The following LIPG variants were observed in gnomAD, a reference collection of about 807,000 sequenced individuals.
The protein encoded by LIPG is endothelial lipase.
In LIPG, 34 loss-of-function variants were observed where a neutral mutation model predicts 51.8. The ratio of observed to expected loss-of-function variants is 0.66; its 90% confidence interval spans 0.50 to 0.87. The LOEUF is 0.87. Among genes scored for constraint, LIPG ranks in the 40% least tolerant of loss-of-function variants. The pLI is 0.00. For missense variants in LIPG, 580 were observed against 652.7 expected (o/e 0.89, Z 1.21); for synonymous variants, 246 against 246.1 (o/e 1.00, Z 0.00).
intron 1 of LIPG, among the ~76,000 whole-genome samples, chr18:49,564,266 G>A (rs2084580188): frequency 6.6e-6 from 1 of 152,218 alleles, no homozygotes; most frequent in African/African-American, 2.4e-5. Flanking sequence ...TGATAGGAGA[G>A]TTTGATACTC....
rs1189321685 is a variant in LIPG at position 49,591,207 on chromosome 18, A to G, written c.*685A>G. 1 of 156,086 alleles carries G rather than the reference A, an allele frequency of 6.4e-6. No homozygotes were observed. The highest frequency in any genetic ancestry group is 1.9e-4 in the East Asian group (1 of 5,290). The allele number at this position is 156,086 out of a possible 1,614,324, so 9.7% of individuals were successfully genotyped here. A position where few individuals can be genotyped will look rare whatever the true frequency, so the allele number is the denominator to read the frequency against. ...ATATTACTGAGCCTCTCCATTTGGA[A>G]CCCAGTGGAGTTGGGATTTCTAGAC... is the stretch of plus-strand genomic sequence containing the variant. On this transcript the variant is annotated 3_prime_UTR_variant, in exon 10 of 10. Coordinates refer to ENST00000261292, the MANE Select transcript of LIPG (RefSeq NM_006033.4).
rs778560931 is a variant in LIPG, at chr18:49,567,570, T to C, written c.408T>C (p.Asn136=). ...LAHQLYTDAV[N]NTRVVGHSIA... Reference sequence around the variant, plus strand: ...ACCAGCTTTACACGGATGCGGTCAATAATACCAGGGTGGTGGGACACAGCA... The same window carrying C: ...ACCAGCTTTACACGGATGCGGTCAACAATACCAGGGTGGTGGGACACAGCA... The change falls in exon 3 of 10, where the codon AAT becomes AAC. Residue 136 remains asparagine, a synonymous_variant. Transcript: ENST00000261292. The C allele has an allele frequency of 8.1e-6, 13 of 1,614,072 alleles. No homozygotes were observed. The South Asian group carries it at 1.4e-4, about 18-fold the overall frequency.
At chr18:49,578,990 A>G (rs1425379990) in intron 5 of LIPG, among the ~76,000 whole-genome samples, 1 of 107,816 alleles carries the variant, frequency 9.3e-6, no homozygotes, top group East Asian at 2.6e-4. Flanking sequence ...TCCACATGAG[A>G]GGGAGACCGT....
Position 49,565,333 on chromosome 18 carries a change from C to T in LIPG, c.114C>T (p.Pro38=). The T allele has an allele frequency of 6.2e-7, 1 of 1,614,086 alleles. No homozygotes were observed. The highest frequency in any genetic ancestry group is 8.5e-7 in the Non-Finnish European group (1 of 1,180,028). The change falls in exon 2 of 10, where the codon CCC becomes CCT. Residue 38 remains proline (P), a synonymous_variant. Coordinates refer to ENST00000261292, the MANE Select transcript of LIPG (RefSeq NM_006033.4). ...TCTCCCCAGATAAGCTCCACAAACC[C>T]AAAGCTACACAGACTGAGGTCAAAC... ...EGRLEDKLHK[P]KATQTEVKPS...
At chr18:49,589,185 A>C (rs8088278) in intron 9 of LIPG, among the ~76,000 whole-genome samples, 4,947 of 152,186 alleles carry the variant, frequency 0.033, 267 homozygotes, top group African/African-American at 0.11. Flanking sequence ...CCCTGTGATT[A>C]ACCATTTGCC....
chr18:49,570,321 G>T (rs1011387799), intron 4 of LIPG, among the ~76,000 whole-genome samples: 1 of 152,114 alleles, frequency 6.6e-6, no homozygotes, highest in Non-Finnish European at 1.5e-5. Context: ...AGTGTAAAAG[G>T]TTTTCTTTCT....
intron 3 of LIPG, 60 bp downstream of exon 3, chr18:49,567,681 A>C: frequency 2.6e-6 from 4 of 1,560,656 alleles, no homozygotes; most frequent in Non-Finnish European, 3.5e-6. Flanking sequence ...CAATCTTCTT[A>C]AGAAATGCAG....
At chr18:49,578,027 C>T (rs933004902) in intron 5 of LIPG, among the ~76,000 whole-genome samples, 1 of 142,246 alleles carries the variant, frequency 7.0e-6, no homozygotes, top group Non-Finnish European at 1.5e-5. Flanking sequence ...GGGGCTGACC[C>T]CCCCACCTCC....
chr18:49,561,755 C>T, upstream of LIPG: 1 of 1,244,050 alleles, frequency 8.0e-7, no homozygotes, highest in East Asian at 3.1e-5. Context: ...GCCTCCGCCA[C>T]TTGGGATGGC....
rs542376762 is a variant in LIPG, at chr18:49,587,163, A to T, written c.1481+313A>T. Among the ~76,000 whole-genome samples, 5 of 151,556 alleles carry T rather than the reference A, an allele frequency of 3.3e-5. No individual in the cohort carries two copies. The South Asian group carries it at 1.0e-3, about 32-fold the overall frequency. On this transcript the variant is annotated intron_variant, in intron 9 of 9. Coordinates refer to ENST00000261292, the MANE Select transcript of LIPG (RefSeq NM_006033.4). ...GTGGTGTGTGCCTGTAATCCCAGCT[A>T]CTTGGGAGGTTGAGGCAGGAAAATC...
At position 49,582,473 on chromosome 18, in the gene LIPG, C is replaced by T. The variant is rs542530669; in HGVS notation, c.1148C>T (p.Pro383Leu). 4 of 1,614,206 alleles carry T rather than the reference C, an allele frequency of 2.5e-6. No individual in the cohort carries two copies. Among genetic ancestry groups the T allele is most frequent in the Non-Finnish European group, 3.4e-6 (4 of 1,180,046 alleles). The change falls in exon 7 of 10, where the codon CCA (proline) becomes CTA (leucine). Residue 383 changes from proline to leucine, a missense_variant. Transcript: ENST00000261292. ...ACTAATGCAGATTCCCAGACTCTGC[C>T]ACTGGAAATGTAAGTCATCCGTTTC... ...YGTNADSQTL[P>L]LEIVERIEQN...
rs1251143031 is a variant in LIPG at position 49,590,874 on chromosome 18, C to A, written c.*352C>A. On this transcript the variant is annotated 3_prime_UTR_variant, in exon 10 of 10. Coordinates refer to ENST00000261292, the MANE Select transcript of LIPG (RefSeq NM_006033.4). The stretch of plus-strand genomic sequence containing the variant: ...AGCCTGTACTCTGCCTGACGAGGAA[C>A]GCTGGCTCCGAAGAGGCCCTGTGTA... 2.6e-6 allele frequency: 1 copy of A among 382,404 alleles called. No homozygotes were observed. Among genetic ancestry groups the A allele is most frequent in the East Asian group, 5.7e-5 (1 of 17,492 alleles). The allele number at this position is 382,404 out of a possible 1,614,324, so 23.7% of individuals were successfully genotyped here. A position where few individuals can be genotyped will look rare whatever the true frequency, so the allele number is the denominator to read the frequency against.
chr18:49,590,201 GT>G, intron 9 of LIPG: 1 of 488,640 alleles, frequency 2.0e-6, no homozygotes. Flanking sequence ...GTGTGTGTGT[GT>G]GTGTGTATGT....
chr18:49,575,626 G>A, intron 5 of LIPG, 36 bp downstream of exon 5: 1 of 1,570,930 alleles, frequency 6.4e-7, no homozygotes, highest in Non-Finnish European at 8.7e-7. Flanking sequence ...GTTTGACTCA[G>A]TTTATTCCAT....
chr18:49,566,993 G>A (rs1453021813), intron 2 of LIPG, among the ~76,000 whole-genome samples: 1 of 152,208 alleles, frequency 6.6e-6, no homozygotes, highest in African/African-American at 2.4e-5. Context: ...TGCTGGTCCT[G>A]CTCATGTGCA....
At chr18:49,587,431 T>C (rs2143978424) in intron 9 of LIPG, among the ~76,000 whole-genome samples, 1 of 151,798 alleles carries the variant, frequency 6.6e-6, no homozygotes. Context: ...TAGACGGGCA[T>C]GGTGACGGGT....
chr18:49,577,455 CTT>C (rs1432510373), intron 5 of LIPG, among the ~76,000 whole-genome samples: 1 of 145,572 alleles, frequency 6.9e-6, no homozygotes, highest in Non-Finnish European at 1.5e-5. Context: ...ATTTCTCAAT[CTT>C]TTCCCCACCT....
intron 9 of LIPG, chr18:49,590,243 T>C: frequency 1.7e-6 from 1 of 586,272 alleles, no homozygotes; most frequent in Admixed American, 2.5e-5. Context: ...ATGCAAGAAC[T>C]GTGATGTACT....
chr18:49,575,405 A>G lies in LIPG; in HGVS notation c.608A>G (p.Asp203Gly), dbSNP rs1315311418. 1 of 1,613,640 alleles carries G rather than the reference A, an allele frequency of 6.2e-7. No individual in the cohort carries two copies. The highest frequency in any genetic ancestry group is 8.5e-7 in the Non-Finnish European group (1 of 1,180,042). Residue 203 changes from aspartate (D) to glycine (G), a missense_variant, in exon 5 of 10, where the codon GAC becomes GGC. Transcript: ENST00000261292. ...GCCGGGCCCATGTTTGAAGGGGCCG[A>G]CATCCACAAGAGGCTCTCTCCGGAC... is the stretch of plus-strand genomic sequence containing the variant. ...DPAGPMFEGADIHKRLSPDDA... is the reference protein window; with the variant it reads ...DPAGPMFEGAGIHKRLSPDDA...
Sources: gnomAD v4.1 joint callset for allele counts (sites outside exome capture counted in the v4.1 genomes callset) on GRCh38, gnomAD v4.1.1 for gene constraint, MANE v1.5 for transcripts, NCBI Gene and HGNC (gene_info 2026-07-23, HGNC 2026-07-21) for gene names.